Variants in RDX observed in about 807,000 individuals in gnomAD.
RDX encodes deafness, autosomal recessive 24.
RDX carries 32 observed loss-of-function variants against 83.7 expected under a neutral mutation model. That is an observed-to-expected ratio of 0.38 (90% CI 0.29 to 0.51). The LOEUF (loss-of-function observed/expected upper bound fraction) is 0.51. Ranked by LOEUF, RDX falls within the 20% of genes least tolerant of loss-of-function variation. RDX has a pLI of 0.87. For synonymous variants in RDX, 229 were observed against 222.7 expected, an observed-to-expected ratio of 1.03 and a Z score of -0.25; for missense variants, 600 against 689.9, an observed-to-expected ratio of 0.87 and a Z score of 1.46.
chr11:110,242,980 C>T (rs1865160473), intron 10 of RDX, among the ~76,000 whole-genome samples: 1 of 151,870 alleles, frequency 6.6e-6, no homozygotes, highest in South Asian at 2.1e-4. Flanking sequence ...ATAGCTGGGA[C>T]AGAGACCATG....
intron 9 of RDX, among the ~76,000 whole-genome samples, chr11:110,252,127 T>C (rs1859362514): frequency 6.6e-6 from 1 of 152,112 alleles, no homozygotes; most frequent in African/African-American, 2.4e-5. Context: ...GAATAATATA[T>C]CTCCTAGGCA....
intron 10 of RDX, among the ~76,000 whole-genome samples, chr11:110,240,853 G>A (rs552544079): frequency 1.3e-5 from 2 of 151,080 alleles, no homozygotes; most frequent in East Asian, 1.9e-4. Context: ...TCAGGAGTTC[G>A]AGACCAGCCT....
chr11:110,217,432 G>A (rs996937501), intron 14 of RDX, among the ~76,000 whole-genome samples: 1 of 152,138 alleles, frequency 6.6e-6, no homozygotes, highest in African/African-American at 2.4e-5. Context: ...CCTGTCAAGC[G>A]CTAACATATT....
intron 3 of RDX, among the ~76,000 whole-genome samples, chr11:110,267,020 A>T (rs1041404298): frequency 6.6e-6 from 1 of 151,664 alleles, no homozygotes. Flanking sequence ...CTCCCACCTC[A>T]GCCTCCCGAG....
Position 110,265,965 on chromosome 11 carries a change from T to C in RDX, c.97-1091A>G, listed in dbSNP as rs989543173. Among the ~76,000 whole-genome samples the C allele has an allele frequency of 2.2e-4, 33 of 152,304 alleles. 1 individual carries two copies. Among genetic ancestry groups the C allele is most frequent in the Middle Eastern group, 6.8e-3 (2 of 294 alleles). On this transcript the variant is annotated intron_variant, in intron 3 of 13. Transcript: ENST00000645495. ...CATAATACTTATGGACAGAGATTATTGATTTATGTGTCTTAAAATCCATAG... is the reference window on the plus strand; with the variant it reads ...CATAATACTTATGGACAGAGATTATCGATTTATGTGTCTTAAAATCCATAG...
chr11:110,199,434 T>C, intron 15 of RDX: 1 of 610,024 alleles, frequency 1.6e-6, no homozygotes, highest in Non-Finnish European at 2.9e-6. Context: ...TTGCTCTTGG[T>C]CAGTTCCTTT....
intron 15 of RDX, among the ~76,000 whole-genome samples, chr11:110,193,079 C>T (rs758974368): frequency 7.9e-5 from 12 of 152,180 alleles, no homozygotes; most frequent in Admixed American, 1.3e-4. Context: ...ATGTTCACCA[C>T]AGCAGTACGC....
At chr11:110,293,223 C>T (rs1217752092) in intron 1 of RDX, among the ~76,000 whole-genome samples, 1 of 152,234 alleles carries the variant, frequency 6.6e-6, no homozygotes, top group Non-Finnish European at 1.5e-5. Flanking sequence ...TGCATACCTA[C>T]TGGCATTTTC....
At chr11:110,272,656 A>C in intron 2 of RDX, 37 bp from the exon 3 acceptor site, 1 of 1,377,602 alleles carries the variant, frequency 7.3e-7, no homozygotes, top group Non-Finnish European at 1.0e-6. Flanking sequence ...AGTAGAAGAG[A>C]AGTTATTAGG....
intron 15 of RDX, among the ~76,000 whole-genome samples, chr11:110,180,337 G>C (rs1049671881): frequency 6.6e-6 from 1 of 152,044 alleles, no homozygotes; most frequent in African/African-American, 2.4e-5. Context: ...ACCCCCATAT[G>C]GCCAAGGTTT....
intron 2 of RDX, among the ~76,000 whole-genome samples, chr11:110,277,058 T>C (rs997678194): frequency 2.0e-5 from 3 of 152,220 alleles, no homozygotes; most frequent in Admixed American, 2.0e-4. Flanking sequence ...CTGAAACTTA[T>C]CTAGCTTCAA....
intron 1 of RDX, among the ~76,000 whole-genome samples, chr11:110,288,706 A>G (rs1468201171): frequency 6.6e-6 from 1 of 152,170 alleles, no homozygotes; most frequent in Admixed American, 6.5e-5. Flanking sequence ...TTAAGCTTCT[A>G]ATTTTCTAGA....
At chr11:110,198,970 C>T (rs970172729) in intron 15 of RDX, among the ~76,000 whole-genome samples, 1 of 152,036 alleles carries the variant, frequency 6.6e-6, no homozygotes, top group African/African-American at 2.4e-5. Context: ...CATGCACCAC[C>T]ACTCCTAATT....
Position 110,261,773 on chromosome 11 carries a change from C to A in RDX, c.467+2187G>T, listed in dbSNP as rs77899078. On this transcript the variant is annotated intron_variant, in intron 5 of 13. Transcript: ENST00000645495. The stretch of plus-strand genomic sequence containing the variant: ...TGAAATAGGCATTTGCACTAGCAAC[C>A]ACAAGCAACCCTATCTAAAGCATTT... Among the ~76,000 whole-genome samples the A allele has an allele frequency of 1.9e-3, 289 of 152,268 alleles. 2 individuals carry two copies. Among genetic ancestry groups the A allele is most frequent in the African/African-American group, 6.8e-3 (282 of 41,546 alleles).
At position 110,263,993 on chromosome 11, in the gene RDX, C is replaced by T. The variant is rs758479232; in HGVS notation, c.434G>A (p.Gly145Asp). ...GDYNKEIHKP[G>D]YLANDRLLPQ... Reference sequence around the variant, plus strand: ...TAGGAGTCTATCATTAGCCAGGTAGCCTGGCTTATGAATCTCTTTATTGTA... The same window carrying T: ...TAGGAGTCTATCATTAGCCAGGTAGTCTGGCTTATGAATCTCTTTATTGTA... The change falls in exon 5 of 14, where the codon GGC becomes GAC. Residue 145 changes from glycine to aspartate, a missense_variant. Physicochemically the swap from Gly to Asp is moderately conservative, Grantham distance 94. Transcript: ENST00000645495. 6.2e-7 allele frequency: 1 copy of T among 1,613,634 alleles called. No homozygotes were observed. Among genetic ancestry groups the T allele is most frequent in the African/African-American group, 1.3e-5 (1 of 74,872 alleles).
intron 15 of RDX, among the ~76,000 whole-genome samples, chr11:110,184,206 C>T (rs1300979222): frequency 6.6e-6 from 1 of 152,176 alleles, no homozygotes; most frequent in Non-Finnish European, 1.5e-5. Context: ...GGGATGTTCA[C>T]CAAATCTTCC....
At chr11:110,278,324 A>C (rs749393951) in intron 2 of RDX, among the ~76,000 whole-genome samples, 24 of 152,158 alleles carry the variant, frequency 1.6e-4, no homozygotes, top group Admixed American at 7.9e-4. Context: ...TAATCAAAGA[A>C]GACTGCCTGG....
chr11:110,265,097 G>GTTTTTTTTTTTGTTT (rs1214316893), intron 3 of RDX, among the ~76,000 whole-genome samples: 4 of 108,254 alleles, frequency 3.7e-5, no homozygotes, highest in African/African-American at 1.3e-4. Flanking sequence ...TTGAAAAGAA[G>GTTTTTTTTTTTGTTT]TTTTTTTTTT....
intron 1 of RDX, among the ~76,000 whole-genome samples, chr11:110,283,355 T>C (rs978132835): frequency 3.3e-5 from 5 of 152,172 alleles, no homozygotes; most frequent in African/African-American, 1.2e-4. Flanking sequence ...GGTTTCACTA[T>C]GTTGCCCAGG....
Sources: allele counts gnomAD v4.1 joint callset (sites outside exome capture counted in the v4.1 genomes callset), GRCh38; gene constraint gnomAD v4.1.1; transcripts MANE v1.5; gene names NCBI Gene and HGNC (gene_info 2026-07-23, HGNC 2026-07-21).